The following IGSF5 variants were observed in gnomAD, a reference collection of about 807,000 sequenced individuals.
IGSF5 encodes the protein immunoglobulin superfamily 5 like.
IGSF5 carries 41 observed loss-of-function variants against 39.4 expected under a neutral mutation model. The observed-to-expected ratio is 1.04, with a 90% CI of 0.81 to 1.35. IGSF5 has a LOEUF of 1.35. IGSF5 is among the 40% of genes most tolerant of loss of function. The pLI, the probability that IGSF5 is intolerant of heterozygous loss-of-function variation, is 0.00. For missense variants in IGSF5, 487 were observed against 494.6 expected, an observed-to-expected ratio of 0.98 and a Z score of 0.15; for synonymous variants, 183 against 175.3, an observed-to-expected ratio of 1.04 and a Z score of -0.34.
intron 8 of IGSF5, among the ~76,000 whole-genome samples, chr21:39,796,065 G>A (rs2086994589): frequency 6.6e-6 from 1 of 152,186 alleles, no homozygotes; most frequent in Non-Finnish European, 1.5e-5. Context: ...CCCATTTGGA[G>A]AGCCTGGATG....
upstream of IGSF5, among the ~76,000 whole-genome samples, chr21:39,740,270 C>T (rs1221669729): frequency 2.6e-5 from 4 of 152,128 alleles, no homozygotes; most frequent in Admixed American, 6.5e-5. Flanking sequence ...ATCTGCTTGG[C>T]GGTTCCTTTC....
At chr21:39,769,114 T>C (rs1469768917) in intron 3 of IGSF5, among the ~76,000 whole-genome samples, 1 of 152,164 alleles carries the variant, frequency 6.6e-6, no homozygotes. Context: ...GATAGTGCAA[T>C]GGGTTTCAAC....
rs564518448 is a variant in IGSF5 at position 39,797,755 on chromosome 21, A to C, written c.1129-3507A>C. Reference sequence around the variant, plus strand: ...AGGCTGTTCTTAAACTCTTGGCCTGAAGCGATTCTCCCACATGGGCCTCCC... The same window carrying C: ...AGGCTGTTCTTAAACTCTTGGCCTGCAGCGATTCTCCCACATGGGCCTCCC... On this transcript the variant is annotated intron_variant, in intron 8 of 8. Transcript: ENST00000380588. Among the ~76,000 whole-genome samples the C allele has an allele frequency of 1.1e-4, 16 of 152,208 alleles. 1 individual carries two copies. The East Asian group carries it at 3.1e-3, about 29-fold the overall frequency.
chr21:39,753,534 C>A (rs1354389837), intron 2 of IGSF5, among the ~76,000 whole-genome samples: 3 of 152,118 alleles, frequency 2.0e-5, no homozygotes, highest in African/African-American at 7.2e-5. Context: ...TCTTTGTTGA[C>A]TTTCTGCCTT....
At chr21:39,726,534 G>T in the IGSF5 span, among the ~76,000 whole-genome samples, 1 of 151,744 alleles carries the variant, frequency 6.6e-6, no homozygotes, top group Non-Finnish European at 1.5e-5. Context: ...GGATGGAGGA[G>T]CCAAGATGGC....
the IGSF5 span, among the ~76,000 whole-genome samples, chr21:39,727,026 G>A: frequency 6.6e-6 from 1 of 152,066 alleles, no homozygotes; most frequent in South Asian, 2.1e-4. Context: ...CCACAGTGCT[G>A]TAACAACAGC....
intron 3 of IGSF5, among the ~76,000 whole-genome samples, chr21:39,767,287 T>C (rs1279289451): frequency 2.0e-5 from 3 of 152,128 alleles, no homozygotes; most frequent in Non-Finnish European, 2.9e-5. Flanking sequence ...GCCCACCTCA[T>C]GGGTTTGTTG....
chr21:39,786,922 T>C (rs436870), intron 5 of IGSF5, among the ~76,000 whole-genome samples: 119,968 of 151,260 alleles, frequency 0.79, 47,702 homozygotes, highest in Admixed American at 0.84. Flanking sequence ...AACACATGGA[T>C]ACAGAAAGGG....
At chr21:39,760,595 G>A (rs933216925) in intron 2 of IGSF5, among the ~76,000 whole-genome samples, 3 of 151,614 alleles carry the variant, frequency 2.0e-5, no homozygotes, top group Non-Finnish European at 2.9e-5. Context: ...TTTTTTAGAC[G>A]GAGTCTCACT....
chr21:39,782,901 T>C (rs1463884865), intron 5 of IGSF5, among the ~76,000 whole-genome samples: 1 of 152,122 alleles, frequency 6.6e-6, no homozygotes, highest in African/African-American at 2.4e-5. Context: ...CTTCCCAGCC[T>C]CTGATCCCCA....
chr21:39,759,469 C>T (rs953538586), intron 2 of IGSF5, among the ~76,000 whole-genome samples: 1 of 152,140 alleles, frequency 6.6e-6, no homozygotes, highest in Non-Finnish European at 1.5e-5. Flanking sequence ...GCATATGGCA[C>T]TGTATGGGCC....
Position 39,779,290 on chromosome 21 carries a change from T to C in IGSF5, c.919T>C (p.Cys307Arg). 6.2e-7 allele frequency: 1 copy of C among 1,612,628 alleles called. No homozygotes were observed. The highest frequency in any genetic ancestry group is 8.5e-7 in the Non-Finnish European group (1 of 1,179,016). The change falls in exon 5 of 9, where the codon TGT becomes CGT. Residue 307 changes from cysteine to arginine, a missense_variant. Transcript: ENST00000380588. ...CNCCCRCCFC[C>R]RRKRGFRIQF... ...CTGCTGCTGCCGTTGTTGTTTCTGC[T>C]GTAGAAGAAAAAGAGGTAATTTTTT...
At chr21:39,790,064 C>T (rs1487908801) in intron 6 of IGSF5, among the ~76,000 whole-genome samples, 3 of 152,126 alleles carry the variant, frequency 2.0e-5, no homozygotes, top group African/African-American at 7.2e-5. Context: ...CCTCAGCATC[C>T]CCAAAGCCCC....
intron 2 of IGSF5, among the ~76,000 whole-genome samples, chr21:39,752,243 T>C (rs1478917376): frequency 1.3e-5 from 2 of 152,198 alleles, no homozygotes; most frequent in East Asian, 1.9e-4. Flanking sequence ...CTCCCACTTA[T>C]AAGTGAGAAC....
In IGSF5 at chr21:39,788,143, A is replaced by G. The variant is rs772806933; in HGVS notation, c.935-24A>G. ...TAGAATAAGTATCCCGATTTTTCCA[A>G]TGTAATTTTGTTCTTTTTTGCAGGA... On this transcript the variant is annotated intron_variant, in intron 5 of 8. Transcript: ENST00000380588. 3.8e-6 allele frequency: 6 copies of G among 1,570,714 alleles called. No individual in the cohort carries two copies. In the African/African-American group the frequency reaches 5.4e-5, roughly 14 times the overall value.
chr21:39,779,227 C>T lies in IGSF5; in HGVS notation c.856C>T (p.Arg286Cys), dbSNP rs926019670. 1.9e-5 allele frequency: 30 copies of T among 1,613,684 alleles called. No individual in the cohort carries two copies. Among genetic ancestry groups the T allele is most frequent in the African/African-American group, 1.3e-4 (10 of 74,904 alleles). ...GACGCCGACGTGTACTCTTACAATA[C>T]GCTGCTGCTGCTGCCGCCGTCGTTG... ...LLTPTCTLTI[R>C]CCCCRRRCCG... Residue 286 changes from arginine (R) to cysteine (C), a missense_variant, in exon 5 of 9, where the codon CGC becomes TGC. By Grantham distance (180) the Arg-to-Cys change is radical. Transcript: ENST00000380588.
Position 39,779,306 on chromosome 21 carries a change from G to A in IGSF5, c.934+1G>A, listed in dbSNP as rs754107936. The A allele has an allele frequency of 1.5e-5, 24 of 1,611,056 alleles. No individual in the cohort carries two copies. The highest frequency in any genetic ancestry group is 2.0e-5 in the Non-Finnish European group (23 of 1,178,076). ...TGTTTCTGCTGTAGAAGAAAAAGAG[G>A]TAATTTTTTTGTTCATTTACATTTG... On this transcript the variant is annotated splice_donor_variant, in intron 5 of 8. Coordinates refer to ENST00000380588, the MANE Select transcript of IGSF5 (RefSeq NM_001080444.2). LOFTEE classifies it high-confidence loss of function.
chr21:39,775,160 C>T (rs2080133529), intron 4 of IGSF5, among the ~76,000 whole-genome samples: 1 of 152,162 alleles, frequency 6.6e-6, no homozygotes, highest in Non-Finnish European at 1.5e-5. Flanking sequence ...ATCTCTAAGG[C>T]CTAGCCTTCC....
chr21:39,776,309 G>A (rs1335966893), intron 4 of IGSF5, among the ~76,000 whole-genome samples: 3 of 151,928 alleles, frequency 2.0e-5, no homozygotes, highest in Non-Finnish European at 4.4e-5. Context: ...TTGCTGACTC[G>A]TACACTACAC....
Sources: allele counts gnomAD v4.1 joint callset (sites outside exome capture counted in the v4.1 genomes callset), GRCh38; gene constraint gnomAD v4.1.1; transcripts MANE v1.5; gene names NCBI Gene and HGNC (gene_info 2026-07-23, HGNC 2026-07-21).